Variants in ANO10 observed in about 807,000 individuals in gnomAD.
ANO10 encodes anoctamin 10.
ANO10 carries 77 observed loss-of-function variants against 74.7 expected under a neutral mutation model. The ratio of observed to expected loss-of-function variants is 1.03; its 90% CI spans 0.86 to 1.25. ANO10 has a LOEUF of 1.25. Among genes scored for constraint, ANO10 ranks in the 50% most tolerant of loss-of-function variants. ANO10 has a pLI of 0.00. For synonymous variants in ANO10, 279 were observed against 284.9 expected (o/e 0.98, Z 0.21); for missense variants, 721 against 778.1 (o/e 0.93, Z 0.87).
intron 1 of ANO10, among the ~76,000 whole-genome samples, chr3:43,629,751 G>A (rs890631011): frequency 1.3e-4 from 20 of 152,202 alleles, no homozygotes; most frequent in African/African-American, 4.8e-4. Context: ...GAAAACTATA[G>A]GAAAATCAGA....
intron 12 of ANO10, among the ~76,000 whole-genome samples, chr3:43,423,043 C>A (rs1339934849): frequency 1.3e-5 from 2 of 151,044 alleles, no homozygotes; most frequent in African/African-American, 2.4e-5. Context: ...TTCTTTCTTG[C>A]GTGATTTGGG....
chr3:43,596,559 T>C (rs1041271288), intron 4 of ANO10, among the ~76,000 whole-genome samples: 4 of 152,094 alleles, frequency 2.6e-5, no homozygotes, highest in African/African-American at 4.8e-5. Flanking sequence ...TGGCCAGCCA[T>C]ATATAGAAAG....
chr3:43,375,563 A>G (rs1163004711), intron 12 of ANO10, among the ~76,000 whole-genome samples: 1 of 152,252 alleles, frequency 6.6e-6, no homozygotes, highest in Non-Finnish European at 1.5e-5. Flanking sequence ...ACAGTGAGAC[A>G]GTTGGCAAAA....
chr3:43,372,664 G>T, intron 12 of ANO10: 1 of 561,026 alleles, frequency 1.8e-6, no homozygotes, highest in South Asian at 2.4e-5. Flanking sequence ...TGCACTCCTC[G>T]CATTACCATC....
At chr3:43,497,241 G>C (rs2076949341) in intron 11 of ANO10, among the ~76,000 whole-genome samples, 1 of 152,178 alleles carries the variant, frequency 6.6e-6, no homozygotes, top group African/African-American at 2.4e-5. Context: ...GCATACAAAA[G>C]TCAGCGTGTG....
intron 5 of ANO10, 103 bp downstream of exon 5, chr3:43,580,250 T>C (rs368445000): frequency 1.5e-4 from 226 of 1,488,534 alleles, no homozygotes; most frequent in African/African-American, 4.4e-4. Flanking sequence ...CCCTGCCCAG[T>C]AGAGCACTAA....
chr3:43,511,697 G>A (rs372134536), intron 11 of ANO10, among the ~76,000 whole-genome samples: 1 of 152,188 alleles, frequency 6.6e-6, no homozygotes, highest in African/African-American at 2.4e-5. Context: ...AGAGAGTCAT[G>A]TCTGTAGTCT....
At chr3:43,367,085 A>G in intron 12 of ANO10, 111 bp from the exon 13 acceptor site, 7 of 994,930 alleles carry the variant, frequency 7.0e-6, no homozygotes, top group Non-Finnish European at 1.1e-5. Flanking sequence ...GGAAGTGGTG[A>G]CTCTGATGCT....
rs139975201 is a variant in ANO10, at chr3:43,468,522, G to A, written c.1798-35795C>T. On this transcript the variant is annotated intron_variant, in intron 11 of 12. Transcript: ENST00000292246. ...CTGTACAAAAAAACAGTGAATTTTC[G>A]GGATTTCTGGAGCTCACATAAACTT... Among the ~76,000 whole-genome samples, 114 of 152,154 alleles carry A rather than the reference G, an allele frequency of 7.5e-4. 1 individual carries two copies. Among genetic ancestry groups the A allele is most frequent in the African/African-American group, 2.2e-3 (92 of 41,510 alleles).
chr3:43,590,711 C>G (rs2081698544), intron 4 of ANO10, among the ~76,000 whole-genome samples: 1 of 152,192 alleles, frequency 6.6e-6, no homozygotes, highest in African/African-American at 2.4e-5. Context: ...ATGGGTTAAC[C>G]TAGACTGGAT....
intron 4 of ANO10, among the ~76,000 whole-genome samples, chr3:43,596,446 A>C (rs2082088156): frequency 6.6e-6 from 1 of 152,196 alleles, no homozygotes; most frequent in Admixed American, 6.5e-5. Flanking sequence ...CAGAGCCCTC[A>C]GAAATAATGC....
intron 11 of ANO10, among the ~76,000 whole-genome samples, chr3:43,462,957 C>CA (rs938422071): frequency 6.6e-6 from 1 of 152,160 alleles, no homozygotes; most frequent in African/African-American, 2.4e-5. Flanking sequence ...ACACAGAAGT[C>CA]AAAAACTGAG....
chr3:43,621,584 C>T (rs946689004), intron 1 of ANO10, among the ~76,000 whole-genome samples: 23 of 152,170 alleles, frequency 1.5e-4, no homozygotes, highest in African/African-American at 4.6e-4. Context: ...CCTGACTTCA[C>T]CAGCCCCAAA....
At chr3:43,450,825 C>A (rs1210130410) in intron 11 of ANO10, among the ~76,000 whole-genome samples, 1 of 152,142 alleles carries the variant, frequency 6.6e-6, no homozygotes, top group Non-Finnish European at 1.5e-5. Flanking sequence ...GTACTTCCTT[C>A]AAACTTTGGC....
At chr3:43,486,313 C>A (rs2076487036) in intron 11 of ANO10, among the ~76,000 whole-genome samples, 1 of 152,134 alleles carries the variant, frequency 6.6e-6, no homozygotes, top group Admixed American at 6.5e-5. Flanking sequence ...TCCATATGAA[C>A]TTTAAAGTAG....
chr3:43,526,585 T>C (rs1247978383), intron 11 of ANO10, among the ~76,000 whole-genome samples: 1 of 152,216 alleles, frequency 6.6e-6, no homozygotes, highest in South Asian at 2.1e-4. Flanking sequence ...TGGCAATTGA[T>C]GTCAGGAAAG....
chr3:43,399,047 C>T (rs755653135), intron 12 of ANO10, among the ~76,000 whole-genome samples: 1 of 152,140 alleles, frequency 6.6e-6, no homozygotes, highest in Admixed American at 6.5e-5. Context: ...AGGCTGGTCT[C>T]GAACTTCTGG....
intron 11 of ANO10, among the ~76,000 whole-genome samples, chr3:43,525,836 A>G (rs1428306351): frequency 6.6e-6 from 1 of 152,180 alleles, no homozygotes; most frequent in Non-Finnish European, 1.5e-5. Context: ...GCCTCAATTT[A>G]TGAGAAATCT....
At chr3:43,563,621 A>C (rs1051807016) in intron 8 of ANO10, among the ~76,000 whole-genome samples, 1 of 152,196 alleles carries the variant, frequency 6.6e-6, no homozygotes, top group Non-Finnish European at 1.5e-5. Flanking sequence ...CAACAGATGA[A>C]TAGATAAGGA....
Sources: allele counts gnomAD v4.1 joint callset (sites outside exome capture counted in the v4.1 genomes callset), GRCh38; gene constraint gnomAD v4.1.1; transcripts MANE v1.5; gene names NCBI Gene and HGNC (gene_info 2026-07-23, HGNC 2026-07-21).